The following CNTN1 variants were observed in gnomAD, a reference collection of about 807,000 sequenced individuals.
The protein encoded by CNTN1 is contactin-1.
In CNTN1, 38 loss-of-function variants were observed where a neutral mutation model predicts 126.4. The ratio of observed to expected loss-of-function variants is 0.30; its 90% CI spans 0.23 to 0.39. CNTN1 has a LOEUF of 0.39. Ranked by LOEUF, CNTN1 falls within the 10% of genes least tolerant of loss-of-function variation. The pLI, the probability that CNTN1 is intolerant of heterozygous loss-of-function variation, is 1.00. For synonymous variants in CNTN1, 413 were observed against 422.6 expected, an observed-to-expected ratio of 0.98 and a Z score of 0.28; for missense variants, 1,009 against 1,248.4, an observed-to-expected ratio of 0.81 and a Z score of 2.89.
At chr12:40,891,836 C>A (rs1450713386) in intron 1 of CNTN1, among the ~76,000 whole-genome samples, 1 of 152,080 alleles carries the variant, frequency 6.6e-6, no homozygotes, top group African/African-American at 2.4e-5. Flanking sequence ...AGTGTCCGTC[C>A]TCCAGCTTTG....
At chr12:41,002,752 T>A (rs1948397418) in intron 17 of CNTN1, among the ~76,000 whole-genome samples, 1 of 151,920 alleles carries the variant, frequency 6.6e-6, no homozygotes, top group Non-Finnish European at 1.5e-5. Context: ...AGAGATGGGG[T>A]TTCACCATGT....
intron 7 of CNTN1, among the ~76,000 whole-genome samples, chr12:40,931,443 A>AGAGTGT (rs1565976300): frequency 2.6e-5 from 4 of 151,844 alleles, no homozygotes; most frequent in African/African-American, 9.7e-5. Context: ...CACATTTTCA[A>AGAGTGT]CAGTATACCT....
At chr12:40,739,235 C>T (rs922276599) in intron 1 of CNTN1, among the ~76,000 whole-genome samples, 1 of 151,942 alleles carries the variant, frequency 6.6e-6, no homozygotes, top group Non-Finnish European at 1.5e-5. Context: ...TGAAAAACTG[C>T]ATTTCAAATG....
In CNTN1 at chr12:40,855,667, C is replaced by T. The variant is rs372907431; in HGVS notation, c.-76-52690C>T. On this transcript the variant is annotated intron_variant, in intron 1 of 23. Coordinates refer to ENST00000551295, the MANE Select transcript of CNTN1 (RefSeq NM_001843.4). ...ACACTTGAATAAATCTATATAACTACATTTCAAATTCTGAAAAAATTGTTA... is the reference window on the plus strand; with the variant it reads ...ACACTTGAATAAATCTATATAACTATATTTCAAATTCTGAAAAAATTGTTA... 2.6e-3 allele frequency among the ~76,000 whole-genome samples: 398 copies of T among 152,112 alleles called. 1 individual carries two copies. The highest frequency in any genetic ancestry group is 6.0e-3 in the South Asian group (29 of 4,824).
intron 23 of CNTN1, among the ~76,000 whole-genome samples, chr12:41,049,115 C>T (rs1949615062): frequency 6.6e-6 from 1 of 152,082 alleles, no homozygotes; most frequent in Non-Finnish European, 1.5e-5. Context: ...TTTTCTTTTC[C>T]CCTTAAGAGC....
chr12:41,010,083 A>G (rs1948605981), intron 17 of CNTN1, among the ~76,000 whole-genome samples: 1 of 152,146 alleles, frequency 6.6e-6, no homozygotes, highest in African/African-American at 2.4e-5. Context: ...TGCTACAGAA[A>G]GAGGGGAGGC....
intron 15 of CNTN1, among the ~76,000 whole-genome samples, chr12:40,974,622 T>C (rs1947621693): frequency 1.3e-5 from 2 of 152,120 alleles, no homozygotes; most frequent in South Asian, 4.1e-4. Flanking sequence ...TTTAAAAATA[T>C]TGTTTTTAGG....
At chr12:40,888,248 T>C (rs552365528) in intron 1 of CNTN1, among the ~76,000 whole-genome samples, 1 of 152,306 alleles carries the variant, frequency 6.6e-6, no homozygotes, top group South Asian at 2.1e-4. Context: ...TGATGATTTA[T>C]ATGTTCTTAT....
At chr12:41,031,338 G>A (rs2120870369) in intron 23 of CNTN1, among the ~76,000 whole-genome samples, 1 of 152,262 alleles carries the variant, frequency 6.6e-6, no homozygotes, top group Non-Finnish European at 1.5e-5. Flanking sequence ...GCTGTGAAGA[G>A]CTACCCAGTA....
At chr12:41,006,767 G>A (rs1948502618) in intron 17 of CNTN1, among the ~76,000 whole-genome samples, 2 of 152,212 alleles carry the variant, frequency 1.3e-5, no homozygotes, top group African/African-American at 2.4e-5. Context: ...CAGATTTGAG[G>A]ATGGTATGTC....
At chr12:40,979,478 C>A (rs1381263971) in intron 15 of CNTN1, among the ~76,000 whole-genome samples, 1 of 151,846 alleles carries the variant, frequency 6.6e-6, no homozygotes, top group Non-Finnish European at 1.5e-5. Context: ...GACAAATGTC[C>A]TCTTTAGTAT....
At chr12:40,787,479 A>T (rs1286209233) in intron 1 of CNTN1, among the ~76,000 whole-genome samples, 1 of 152,146 alleles carries the variant, frequency 6.6e-6, no homozygotes, top group East Asian at 1.9e-4. Flanking sequence ...TTGGATTTTT[A>T]ATAACTTCTA....
chr12:40,738,617 A>G (rs1256996999), intron 1 of CNTN1, among the ~76,000 whole-genome samples: 2 of 152,074 alleles, frequency 1.3e-5, no homozygotes, highest in African/African-American at 4.8e-5. Context: ...AGATATAAAA[A>G]TTTTATAACT....
chr12:40,866,619 T>A (rs1469676094), intron 1 of CNTN1, among the ~76,000 whole-genome samples: 1 of 152,176 alleles, frequency 6.6e-6, no homozygotes, highest in East Asian at 1.9e-4. Flanking sequence ...ATCAATTGAT[T>A]TTTGGATTTT....
At chr12:40,739,141 C>T (rs949266693) in intron 1 of CNTN1, among the ~76,000 whole-genome samples, 3 of 151,740 alleles carry the variant, frequency 2.0e-5, no homozygotes, top group Admixed American at 6.6e-5. Flanking sequence ...GCTTAAGAAC[C>T]CATGTAGGAG....
chr12:40,867,512 A>G (rs933641918), intron 1 of CNTN1, among the ~76,000 whole-genome samples: 9 of 152,224 alleles, frequency 5.9e-5, no homozygotes, highest in African/African-American at 1.9e-4. Context: ...ACTACAAAAA[A>G]CAATAAGTAT....
At chr12:40,929,275 T>C (rs1945798378) in intron 6 of CNTN1, among the ~76,000 whole-genome samples, 1 of 151,810 alleles carries the variant, frequency 6.6e-6, no homozygotes, top group Non-Finnish European at 1.5e-5. Context: ...TTCTGTGGTT[T>C]CCCTTTTTAA....
At chr12:40,759,550 C>T (rs1938757798) in intron 1 of CNTN1, among the ~76,000 whole-genome samples, 1 of 151,166 alleles carries the variant, frequency 6.6e-6, no homozygotes, top group African/African-American at 2.4e-5. Flanking sequence ...ACTGCATCTT[C>T]TACCTCCCAG....
intron 16 of CNTN1, among the ~76,000 whole-genome samples, chr12:40,990,137 C>A (rs1352682668): frequency 6.6e-6 from 1 of 152,122 alleles, no homozygotes; most frequent in African/African-American, 2.4e-5. Flanking sequence ...GATATTATAA[C>A]TATCTACCAA....
Sources: gnomAD v4.1 joint callset for allele counts (sites outside exome capture counted in the v4.1 genomes callset) on GRCh38, gnomAD v4.1.1 for gene constraint, MANE v1.5 for transcripts, NCBI Gene and HGNC (gene_info 2026-07-23, HGNC 2026-07-21) for gene names.